IARS2: variants seen among roughly 807,000 people sequenced by gnomAD.
IARS2 encodes the protein isoleucine--tRNA ligase, mitochondrial.
A neutral mutation model predicts 126.3 loss-of-function variants in IARS2; 56 were observed. That is an observed-to-expected ratio of 0.44 (90% CI 0.36 to 0.55). The LOEUF (loss-of-function observed/expected upper bound fraction) is 0.55. Ranked by LOEUF, IARS2 falls within the 20% of genes least tolerant of loss-of-function variation. The probability of loss-of-function intolerance (pLI) is 0.00; values close to 1 mark genes in which losing one functional copy is unlikely to be tolerated. For synonymous variants in IARS2, 407 were observed against 441.1 expected (o/e 0.92, Z 0.97); for missense variants, 1,127 against 1,245.9 (o/e 0.90, Z 1.44).
At chr1:220,135,424 G>A (rs546938758) in intron 15 of IARS2, among the ~76,000 whole-genome samples, 27 of 151,778 alleles carry the variant, frequency 1.8e-4, no homozygotes, top group African/African-American at 4.8e-5. Flanking sequence ...GCAGTGGTGC[G>A]ATCTTGGCTC....
At chr1:220,117,771 T>C (rs1656957381) in intron 12 of IARS2, 4 of 443,642 alleles carry the variant, frequency 9.0e-6, no homozygotes, top group Non-Finnish European at 1.8e-5. Context: ...ATTTACTCAA[T>C]ACATTTACAT....
At chr1:220,139,185 T>A in intron 18 of IARS2, 46 bp downstream of exon 18, 1 of 1,518,886 alleles carries the variant, frequency 6.6e-7, no homozygotes, top group Non-Finnish European at 9.0e-7. Flanking sequence ...ATATCAGCAC[T>A]ATTGTAGGTT....
intron 12 of IARS2, among the ~76,000 whole-genome samples, chr1:220,117,656 C>T (rs1455196599): frequency 6.6e-6 from 1 of 151,996 alleles, no homozygotes; most frequent in Admixed American, 6.6e-5. Context: ...ATTGATACAT[C>T]CTGATAATTA....
At chr1:220,146,663 T>G (rs900082989) in intron 22 of IARS2, among the ~76,000 whole-genome samples, 21 of 152,148 alleles carry the variant, frequency 1.4e-4, no homozygotes, top group African/African-American at 4.6e-4. Flanking sequence ...AAGTTCTGGC[T>G]TAATTTACTT....
chr1:220,100,486 G>T lies in IARS2; in HGVS notation c.391-4G>T, dbSNP rs1214457435. The T allele has an allele frequency of 1.3e-6, 2 of 1,589,108 alleles. No homozygotes were observed. Among genetic ancestry groups the T allele is most frequent in the Non-Finnish European group, 1.7e-6 (2 of 1,167,400 alleles). On this transcript the variant is annotated splice_region_variant and splice_polypyrimidine_tract_variant and intron_variant, in intron 2 of 22. Coordinates refer to ENST00000366922, the MANE Select transcript of IARS2 (RefSeq NM_018060.4). ...GAATGATAATTATCATTTTATCTTTGCAGATTTTGAAAGACATAGCCAATC... is the reference window on the plus strand; with the variant it reads ...GAATGATAATTATCATTTTATCTTTTCAGATTTTGAAAGACATAGCCAATC...
chr1:220,102,874 A>G, intron 7 of IARS2, 97 bp downstream of exon 7: 1 of 738,762 alleles, frequency 1.4e-6, no homozygotes, highest in Non-Finnish European at 2.3e-6. Context: ...TATTATTGTA[A>G]AATTTAATGA....
At chr1:220,146,386 C>G (rs544863416) in intron 22 of IARS2, among the ~76,000 whole-genome samples, 1 of 151,886 alleles carries the variant, frequency 6.6e-6, no homozygotes, top group Non-Finnish European at 1.5e-5. Flanking sequence ...GGCGTGGCGG[C>G]GTGTGCCTGT....
chr1:220,138,449 G>A (rs1331371505), intron 17 of IARS2, among the ~76,000 whole-genome samples: 5 of 152,028 alleles, frequency 3.3e-5, no homozygotes, highest in South Asian at 2.1e-4. Context: ...CCAGCCTGGC[G>A]ACAGAGCAAG....
chr1:220,098,521 A>G (rs1320466748), intron 2 of IARS2, among the ~76,000 whole-genome samples: 4 of 152,084 alleles, frequency 2.6e-5, no homozygotes, highest in African/African-American at 9.7e-5. Flanking sequence ...ATATGTTGGT[A>G]TATATTCTGT....
rs747865383 is a variant in IARS2, at chr1:220,107,117, A to C, written c.1293A>C (p.Gln431His). 11 of 1,613,598 alleles carry C rather than the reference A, an allele frequency of 6.8e-6. No homozygotes were observed. The African/African-American group carries it at 1.5e-4, about 22-fold the overall frequency. The change falls in exon 10 of 23, where the codon CAA becomes CAC. Residue 431 changes from glutamine (Q) to histidine (H), a missense_variant. Transcript: ENST00000366922. ...CAGATGTTGCAGGTCCTGAACTTCA[A>C]AACAAGGCTGTCCTTGAAGAGGGAA... ...VFTDVAGPELQNKAVLEEGTD... is the reference protein window; with the variant it reads ...VFTDVAGPELHNKAVLEEGTD...
intron 22 of IARS2, among the ~76,000 whole-genome samples, chr1:220,146,244 C>T (rs917898760): frequency 1.3e-5 from 2 of 152,042 alleles, no homozygotes; most frequent in Non-Finnish European, 2.9e-5. Context: ...AGGCTGGGCA[C>T]GGTGGCTCAT....
intron 16 of IARS2, 65 bp downstream of exon 16, chr1:220,136,976 C>A: frequency 1.1e-6 from 1 of 879,220 alleles, no homozygotes; most frequent in Non-Finnish European, 1.8e-6. Flanking sequence ...AGCCAAAGCC[C>A]TTAATATAGT....
Position 220,129,534 on chromosome 1 carries a change from A to G in IARS2, c.1837+2691A>G, listed in dbSNP as rs116635540. Reference sequence around the variant, plus strand: ...CCTCTCACCCTTCCCAGCCTCTGGTAACTGTCATTCTACTTTCTACCTCCA... The same window carrying G: ...CCTCTCACCCTTCCCAGCCTCTGGTGACTGTCATTCTACTTTCTACCTCCA... On this transcript the variant is annotated intron_variant, in intron 14 of 22. Coordinates refer to ENST00000366922, the MANE Select transcript of IARS2 (RefSeq NM_018060.4). Among the ~76,000 whole-genome samples the G allele has an allele frequency of 6.0e-3, 911 of 152,266 alleles. 5 individuals are homozygous for G. Among genetic ancestry groups the G allele is most frequent in the Non-Finnish European group, 8.8e-3 (600 of 68,020 alleles).
intron 12 of IARS2, chr1:220,118,185 C>T (rs538538562): frequency 2.0e-6 from 1 of 505,916 alleles, no homozygotes; most frequent in South Asian, 1.5e-5. Flanking sequence ...AACAGCATCT[C>T]CACTGGAAAT....
intron 22 of IARS2, 74 bp from the exon 23 acceptor site, chr1:220,147,419 C>T: frequency 6.8e-7 from 1 of 1,468,460 alleles, no homozygotes; most frequent in Non-Finnish European, 9.5e-7. Flanking sequence ...AAAGAAGCCT[C>T]TGCTAAACCA....
Position 220,100,483 on chromosome 1 carries a change from T to G in IARS2, c.391-7T>G, listed in dbSNP as rs151201174. The G allele has an allele frequency of 6.3e-7, 1 of 1,591,940 alleles. No individual in the cohort carries two copies. The highest frequency in any genetic ancestry group is 1.3e-5 in the African/African-American group (1 of 74,312). ...TATGAATGATAATTATCATTTTATC[T>G]TTGCAGATTTTGAAAGACATAGCCA... On this transcript the variant is annotated splice_region_variant and splice_polypyrimidine_tract_variant and intron_variant, in intron 2 of 22. Transcript: ENST00000366922.
intron 12 of IARS2, chr1:220,117,842 G>A (rs375458009): frequency 2.1e-5 from 11 of 522,838 alleles, no homozygotes; most frequent in African/African-American, 1.4e-4. Context: ...GGTGTTAGTC[G>A]ATTTCTGATA....
chr1:220,101,933 A>G (rs1468797737), intron 3 of IARS2, among the ~76,000 whole-genome samples, 196 bp from the exon 4 acceptor site: 1 of 152,160 alleles, frequency 6.6e-6, no homozygotes, highest in Non-Finnish European at 1.5e-5. Context: ...CCCGGGAGGC[A>G]GAGGCTTGCA....
chr1:220,138,751 C>T (rs183272967), intron 17 of IARS2, among the ~76,000 whole-genome samples: 2 of 151,954 alleles, frequency 1.3e-5, no homozygotes, highest in Non-Finnish European at 2.9e-5. Flanking sequence ...TTTGCCCCAA[C>T]GTAATAAAGA....
Sources: gnomAD v4.1 joint callset for allele counts (sites outside exome capture counted in the v4.1 genomes callset) on GRCh38, gnomAD v4.1.1 for gene constraint, MANE v1.5 for transcripts, NCBI Gene and HGNC (gene_info 2026-07-23, HGNC 2026-07-21) for gene names.